The following TUSC3 variants were observed in gnomAD, a reference collection of about 807,000 sequenced individuals.
The protein encoded by TUSC3 is dolichyl-diphosphooligosaccharide--protein glycosyltransferase subunit TUSC3.
TUSC3 carries 45 observed loss-of-function variants against 44.8 expected under a neutral mutation model. That is an observed-to-expected ratio of 1.00 (90% confidence interval 0.79 to 1.29). The LOEUF (loss-of-function observed/expected upper bound fraction) is 1.29. Ranked by LOEUF, TUSC3 falls within the 50% of genes most tolerant of loss-of-function variation. TUSC3 has a pLI of 0.00. For missense variants in TUSC3, 519 were observed against 437.9 expected, an observed-to-expected ratio of 1.19 and a Z score of -1.65; for synonymous variants, 212 against 152.9, an observed-to-expected ratio of 1.39 and a Z score of -2.85.
chr8:15,653,258 A>T (rs1000485099), intron 3 of TUSC3, among the ~76,000 whole-genome samples: 1 of 152,196 alleles, frequency 6.6e-6, no homozygotes. Flanking sequence ...GCTCAGCATC[A>T]GCTCTGTAGA....
At chr8:15,773,711 G>C in the TUSC3 span, among the ~76,000 whole-genome samples, 1 of 152,070 alleles carries the variant, frequency 6.6e-6, no homozygotes, top group African/African-American at 2.4e-5. Context: ...ACAACTACCA[G>C]GTACCAAACA....
intron 6 of TUSC3, among the ~76,000 whole-genome samples, chr8:15,716,659 G>T (rs896019762): frequency 1.3e-5 from 2 of 151,946 alleles, no homozygotes; most frequent in African/African-American, 4.8e-5. Flanking sequence ...TACTAACTAC[G>T]AAATATCAAT....
intron 1 of TUSC3, among the ~76,000 whole-genome samples, chr8:15,421,709 T>G (rs2129115194): frequency 6.6e-6 from 1 of 152,232 alleles, no homozygotes; most frequent in African/African-American, 2.4e-5. Context: ...AGGTGCCTAT[T>G]CATGCATGAA....
the TUSC3 span, among the ~76,000 whole-genome samples, chr8:15,824,624 G>A: frequency 6.6e-6 from 1 of 151,946 alleles, no homozygotes; most frequent in Non-Finnish European, 1.5e-5. Flanking sequence ...GGGGGGAAGG[G>A]GGACGGATAG....
intron 8 of TUSC3, among the ~76,000 whole-genome samples, chr8:15,743,991 A>T (rs1811302568): frequency 6.6e-6 from 1 of 152,142 alleles, no homozygotes; most frequent in African/African-American, 2.4e-5. Context: ...CTGCTACAAG[A>T]ATCAGGGGTG....
the TUSC3 span, among the ~76,000 whole-genome samples, chr8:15,789,901 G>C: frequency 6.6e-6 from 1 of 152,148 alleles, no homozygotes; most frequent in East Asian, 1.9e-4. Context: ...TAGGCTGTCA[G>C]GGTTCTTGAC....
intron 3 of TUSC3, among the ~76,000 whole-genome samples, chr8:15,658,071 A>C (rs920608362): frequency 6.6e-6 from 1 of 152,176 alleles, no homozygotes; most frequent in African/African-American, 2.4e-5. Flanking sequence ...CCACGTCTTA[A>C]TATTGCTACA....
At chr8:15,790,040 T>C in the TUSC3 span, among the ~76,000 whole-genome samples, 1 of 152,150 alleles carries the variant, frequency 6.6e-6, no homozygotes, top group Non-Finnish European at 1.5e-5. Flanking sequence ...ATGTGGGCTG[T>C]TGGCAGCCGT....
intron 9 of TUSC3, among the ~76,000 whole-genome samples, chr8:15,750,437 A>G (rs1811646611): frequency 6.6e-6 from 1 of 152,186 alleles, no homozygotes; most frequent in African/African-American, 2.4e-5. Flanking sequence ...AGTGGAGAAA[A>G]AAATATTTTA....
At chr8:15,445,094 C>G (rs1467439640) in intron 1 of TUSC3, among the ~76,000 whole-genome samples, 1 of 152,130 alleles carries the variant, frequency 6.6e-6, no homozygotes, top group Non-Finnish European at 1.5e-5. Flanking sequence ...TGACAGGAAG[C>G]TGTGAACATA....
At chr8:15,815,197 A>G in the TUSC3 span, among the ~76,000 whole-genome samples, 1 of 152,174 alleles carries the variant, frequency 6.6e-6, no homozygotes, top group Non-Finnish European at 1.5e-5. Flanking sequence ...CAAGACTTCA[A>G]GGAAGGTATT....
At chr8:15,724,228 T>C (rs1326540130) in intron 6 of TUSC3, among the ~76,000 whole-genome samples, 3 of 152,154 alleles carry the variant, frequency 2.0e-5, no homozygotes, top group Non-Finnish European at 2.9e-5. Context: ...ACCTTCATCT[T>C]GGACTTTGAA....
chr8:15,673,799 C>A lies in TUSC3; in HGVS notation c.761C>A (p.Pro254His). 6.2e-7 allele frequency: 1 copy of A among 1,612,660 alleles called. No homozygotes were observed. Among genetic ancestry groups the A allele is most frequent in the Non-Finnish European group, 8.5e-7 (1 of 1,179,082 alleles). Residue 254 changes from proline to histidine, a missense_variant, in exon 6 of 11, where the codon CCT becomes CAT. Coordinates refer to ENST00000503731, the MANE Select transcript of TUSC3 (RefSeq NM_006765.4). Reference sequence around the variant, plus strand: ...CAGATGTGGAACCATATCCGTGGACCTCCATATGCTCATAAGAACCCACAC... The same window carrying A: ...CAGATGTGGAACCATATCCGTGGACATCCATATGCTCATAAGAACCCACAC... ...SGQMWNHIRG[P>H]PYAHKNPHNG...
chr8:15,667,672 A>T (rs354522), intron 5 of TUSC3, among the ~76,000 whole-genome samples: 129,005 of 151,672 alleles, frequency 0.85, 55,090 homozygotes, highest in Non-Finnish European at 0.87. Flanking sequence ...CGTGGTCTTA[A>T]TTAAATTTTG....
intron 1 of TUSC3, among the ~76,000 whole-genome samples, chr8:15,459,635 C>T (rs559693451): frequency 2.8e-4 from 43 of 152,114 alleles, no homozygotes; most frequent in African/African-American, 9.4e-4. Flanking sequence ...CCCTTCTCTG[C>T]GAGTCTCCAA....
At chr8:15,443,662 A>G (rs1800052450) in intron 1 of TUSC3, among the ~76,000 whole-genome samples, 1 of 152,100 alleles carries the variant, frequency 6.6e-6, no homozygotes, top group Admixed American at 6.5e-5. Context: ...CCCAAAACAA[A>G]GCTGCTTCTT....
chr8:15,550,918 C>G (rs762230748), intron 1 of TUSC3, among the ~76,000 whole-genome samples: 1 of 151,584 alleles, frequency 6.6e-6, no homozygotes, highest in South Asian at 2.1e-4. Context: ...GTGATCTGCC[C>G]GCCTCGGCCT....
At chr8:15,635,799 C>G (rs543198825) in intron 2 of TUSC3, among the ~76,000 whole-genome samples, 55 of 152,126 alleles carry the variant, frequency 3.6e-4, no homozygotes, top group Non-Finnish European at 7.3e-4. Flanking sequence ...CATGAACTTA[C>G]AGTAATGGAG....
intron 5 of TUSC3, among the ~76,000 whole-genome samples, chr8:15,667,966 A>T (rs577867495): frequency 2.6e-5 from 4 of 151,682 alleles, no homozygotes; most frequent in East Asian, 3.9e-4. Flanking sequence ...CCTTGAGCCA[A>T]TGGTGTTCTC....
Sources: gnomAD v4.1 joint callset for allele counts (sites outside exome capture counted in the v4.1 genomes callset) on GRCh38, gnomAD v4.1.1 for gene constraint, MANE v1.5 for transcripts, NCBI Gene and HGNC (gene_info 2026-07-23, HGNC 2026-07-21) for gene names.